Variants in GOLM2 observed in about 807,000 individuals in gnomAD.
GOLM2 encodes protein GOLM2.
Under a neutral mutation model 55.9 loss-of-function variants are expected in GOLM2, and 26 were observed. The observed-to-expected ratio is 0.47, with a 90% CI of 0.34 to 0.65. The LOEUF (loss-of-function observed/expected upper bound fraction) is 0.65. GOLM2 is among the 30% of genes least tolerant of loss of function. The probability of loss-of-function intolerance (pLI) is 0.01; values close to 1 mark genes in which losing one functional copy is unlikely to be tolerated. For missense variants in GOLM2, 486 were observed against 531.8 expected (o/e 0.91, Z 0.85); for synonymous variants, 165 against 194.6 (o/e 0.85, Z 1.27).
At chr15:44,389,458 G>A (rs1319926044) in intron 8 of GOLM2, among the ~76,000 whole-genome samples, 1 of 152,106 alleles carries the variant, frequency 6.6e-6, no homozygotes, top group Non-Finnish European at 1.5e-5. Flanking sequence ...AATCTGGGAA[G>A]CAGAGGTTGC....
chr15:44,380,714 T>G, intron 7 of GOLM2, 92 bp from the exon 8 acceptor site: 2 of 896,172 alleles, frequency 2.2e-6, no homozygotes, highest in Non-Finnish European at 3.0e-6. Context: ...AACAATAGTG[T>G]GTCTTAGCTT....
At chr15:44,330,044 G>A (rs2079011523) in intron 3 of GOLM2, among the ~76,000 whole-genome samples, 1 of 150,626 alleles carries the variant, frequency 6.6e-6, no homozygotes. Flanking sequence ...CCGAGTAGCT[G>A]GGACCACAGG....
intron 7 of GOLM2, 112 bp from the exon 8 acceptor site, chr15:44,380,694 C>A: frequency 3.1e-6 from 2 of 649,942 alleles, no homozygotes; most frequent in South Asian, 7.4e-5. Flanking sequence ...TTTGTGGCTA[C>A]CCAATGTTAA....
chr15:44,289,406 G>T lies in GOLM2; in HGVS notation c.327+50G>T. ...AACCCCATGGTTTCTTTTCTCCCCG[G>T]GGTCTGGGGCGGGATGTTAATCCGC... On this transcript the variant is annotated intron_variant, in intron 1 of 9. Transcript: ENST00000299957. This position sits in a 1 kb window ranked among gnomAD's most constrained non-coding sequence, Gnocchi z 4.8. 1.3e-6 allele frequency: 2 copies of T among 1,513,896 alleles called. No homozygotes were observed. Among genetic ancestry groups the T allele is most frequent in the Non-Finnish European group, 1.8e-6 (2 of 1,121,428 alleles). The allele number at this position is 1,513,896 out of a possible 1,614,324, so 93.8% of individuals were successfully genotyped here.
At chr15:44,382,151 A>G (rs949973665) in intron 8 of GOLM2, 2 of 152,152 alleles carry the variant, frequency 1.3e-5, no homozygotes, top group Admixed American at 6.6e-5. Flanking sequence ...TTTTTATTAC[A>G]AAGATTTAGC....
chr15:44,367,905 A>T (rs2079297088), intron 6 of GOLM2, among the ~76,000 whole-genome samples: 1 of 151,686 alleles, frequency 6.6e-6, no homozygotes, highest in African/African-American at 2.4e-5. Flanking sequence ...AGATGCTTTT[A>T]AGATTTTCCC....
At chr15:44,307,359 CCTA>C (rs1428199056) in intron 1 of GOLM2, 2 of 152,236 alleles carry the variant, frequency 1.3e-5, no homozygotes, top group Non-Finnish European at 2.9e-5. Context: ...ACTACAGGAG[CCTA>C]CCACCACGCC....
Position 44,380,908 on chromosome 15 carries a change from G to T in GOLM2, c.1004G>T (p.Arg335Ile). The T allele has an allele frequency of 1.2e-6, 2 of 1,602,930 alleles. No homozygotes were observed. Among genetic ancestry groups the T allele is most frequent in the Non-Finnish European group, 1.7e-6 (2 of 1,174,276 alleles). Residue 335 changes from arginine to isoleucine, a missense_variant, in exon 8 of 10, where the codon AGA (arginine) becomes ATA (isoleucine). Arg to Ile is a moderately conservative substitution (Grantham distance 97). Coordinates refer to ENST00000299957, the MANE Select transcript of GOLM2 (RefSeq NM_138423.4). ...IPGSNLDSEP[R>I]IQTDILKQAT... ...GGCTCAAACTTGGACAGTGAACCCA[G>T]AATTCAAACAGATATACTAAAGCAG...
Position 44,289,121 on chromosome 15 carries a change from A to C in GOLM2, c.92A>C (p.Asn31Thr). ...GTGGTGATCGTCGTCCTCGCCTTCA[A>C]CTACTGGAGCATCTCCTCCCGCCAC... ...LLVVIVVLAF[N>T]YWSISSRHVL... The change falls in exon 1 of 10, where the codon AAC becomes ACC. Residue 31 changes from asparagine (N) to threonine (T), a missense_variant. Coordinates refer to ENST00000299957, the MANE Select transcript of GOLM2 (RefSeq NM_138423.4). The surrounding 1 kb of genome is among the most constrained non-coding windows in gnomAD (Gnocchi z 4.8). 1 of 1,614,126 alleles carries C rather than the reference A, an allele frequency of 6.2e-7. No homozygotes were observed. Among genetic ancestry groups the C allele is most frequent in the Non-Finnish European group, 8.5e-7 (1 of 1,180,010 alleles).
chr15:44,352,246 G>C (rs189161793), intron 6 of GOLM2, among the ~76,000 whole-genome samples: 1 of 152,232 alleles, frequency 6.6e-6, no homozygotes, highest in Non-Finnish European at 1.5e-5. Context: ...AAACAGAATA[G>C]AGAACCTAGA....
At chr15:44,352,993 GATAA>G (rs1360427761) in intron 6 of GOLM2, among the ~76,000 whole-genome samples, 3 of 151,214 alleles carry the variant, frequency 2.0e-5, no homozygotes, top group African/African-American at 7.3e-5. Context: ...TCTGACAAGA[GATAA>G]ATAATCAGAC....
At chr15:44,315,816 T>G (rs930714492) in intron 1 of GOLM2, among the ~76,000 whole-genome samples, 1 of 152,098 alleles carries the variant, frequency 6.6e-6, no homozygotes, top group African/African-American at 2.4e-5. Flanking sequence ...AGGGATAAGG[T>G]AAAGCCTAAA....
intron 6 of GOLM2, among the ~76,000 whole-genome samples, chr15:44,362,884 C>T (rs996235508): frequency 8.3e-4 from 126 of 152,134 alleles, no homozygotes; most frequent in Admixed American, 3.3e-3. Flanking sequence ...TCAGAAATAA[C>T]GCCGCATATC....
At chr15:44,380,222 A>G (rs982501529) in intron 7 of GOLM2, among the ~76,000 whole-genome samples, 1 of 152,186 alleles carries the variant, frequency 6.6e-6, no homozygotes, top group Non-Finnish European at 1.5e-5. Flanking sequence ...GAGAGTAGAT[A>G]TGATTGAAGA....
At chr15:44,298,801 T>C (rs1232956244) in intron 1 of GOLM2, among the ~76,000 whole-genome samples, 1 of 152,214 alleles carries the variant, frequency 6.6e-6, no homozygotes, top group Non-Finnish European at 1.5e-5. Flanking sequence ...AAAGGATATA[T>C]TGAAGTCTAA....
intron 3 of GOLM2, among the ~76,000 whole-genome samples, chr15:44,331,539 A>C (rs981522279): frequency 6.6e-6 from 1 of 152,098 alleles, no homozygotes; most frequent in Non-Finnish European, 1.5e-5. Flanking sequence ...TCTATGGTTT[A>C]GCCTTTTATT....
At chr15:44,317,744 A>G (rs1450011926) in intron 1 of GOLM2, among the ~76,000 whole-genome samples, 1 of 152,162 alleles carries the variant, frequency 6.6e-6, no homozygotes, top group Non-Finnish European at 1.5e-5. Flanking sequence ...ATGCCTCAAA[A>G]TCAATAGGTC....
intron 1 of GOLM2, among the ~76,000 whole-genome samples, chr15:44,313,004 A>C (rs771030195): frequency 6.6e-6 from 1 of 152,078 alleles, no homozygotes; most frequent in African/African-American, 2.4e-5. Context: ...ATTTGAACTC[A>C]GGAGGCGGAG....
chr15:44,382,380 G>A (rs1240817494), intron 8 of GOLM2, among the ~76,000 whole-genome samples: 1 of 151,928 alleles, frequency 6.6e-6, no homozygotes, highest in Non-Finnish European at 1.5e-5. Context: ...AGGCAGGAGT[G>A]CAGTGGTGCA....
Sources: allele counts gnomAD v4.1 joint callset (sites outside exome capture counted in the v4.1 genomes callset), GRCh38; gene constraint gnomAD v4.1.1; non-coding constraint Gnocchi (gnomAD v3.1); transcripts MANE v1.5; gene names NCBI Gene and HGNC (gene_info 2026-07-23, HGNC 2026-07-21).